The following DAB1 variants were observed in gnomAD, a reference collection of about 807,000 sequenced individuals.
The protein encoded by DAB1 is DAB adaptor protein 1.
DAB1 carries 15 observed loss-of-function variants against 64.6 expected under a neutral mutation model. The ratio of observed to expected loss-of-function variants is 0.23; its 90% CI spans 0.16 to 0.36. The LOEUF is 0.36. Ranked by LOEUF, DAB1 falls within the 10% of genes least tolerant of loss-of-function variation. The pLI, the probability that DAB1 is intolerant of heterozygous loss-of-function variation, is 1.00. For synonymous variants in DAB1, 235 were observed against 251.9 expected, an observed-to-expected ratio of 0.93 and a Z score of 0.64; for missense variants, 596 against 706.7, an observed-to-expected ratio of 0.84 and a Z score of 1.78.
At position 57,549,106 on chromosome 1, in the gene DAB1, T is replaced by G. The variant is rs373051859; in HGVS notation, n.625+100486A>C. ...TATGACTGGATCTACGCAATGTAGG[T>G]TAAAAGTCTCAATTTTGTGGATATT... On this transcript the variant is annotated intron_variant and non_coding_transcript_variant, in intron 7 of 20. Coordinates refer to the DAB1 transcript ENST00000485760. 3.9e-5 allele frequency among the ~76,000 whole-genome samples: 6 copies of G among 152,236 alleles called. No individual in the cohort carries two copies. The East Asian group carries it at 9.7e-4, about 25-fold the overall frequency.
At chr1:58,530,058 T>C (rs1646411043) in intron 1 of DAB1, among the ~76,000 whole-genome samples, 2 of 152,154 alleles carry the variant, frequency 1.3e-5, no homozygotes. Context: ...TTTTTTTGTA[T>C]TTTTAGTAGA....
intron 6 of DAB1, among the ~76,000 whole-genome samples, chr1:57,663,591 G>T (rs1011454737): frequency 6.6e-5 from 10 of 151,632 alleles, no homozygotes; most frequent in Non-Finnish European, 1.5e-5. Context: ...AATTGTCTGC[G>T]GTAATGAGAG....
At chr1:57,280,290 T>C (rs1016837162) in intron 2 of DAB1, among the ~76,000 whole-genome samples, 2 of 152,242 alleles carry the variant, frequency 1.3e-5, no homozygotes, top group African/African-American at 2.4e-5. Context: ...CTTTGATCTA[T>C]GTGTGTTCTT....
intron 6 of DAB1, among the ~76,000 whole-genome samples, chr1:57,794,943 T>C (rs1327337369): frequency 6.6e-6 from 1 of 152,210 alleles, no homozygotes; most frequent in African/African-American, 2.4e-5. Context: ...CTTGGCCTAA[T>C]AGCGGTCCTC....
At chr1:57,778,038 A>G (rs1304124057) in intron 6 of DAB1, among the ~76,000 whole-genome samples, 1 of 152,066 alleles carries the variant, frequency 6.6e-6, no homozygotes, top group Non-Finnish European at 1.5e-5. Flanking sequence ...GTCTTCATTG[A>G]AATATCCCTC....
At chr1:57,939,824 C>T (rs552089818) in intron 5 of DAB1, among the ~76,000 whole-genome samples, 14 of 152,314 alleles carry the variant, frequency 9.2e-5, no homozygotes, top group South Asian at 4.1e-4. Flanking sequence ...GGCCAGCTTT[C>T]CCACTGAGGT....
At chr1:57,475,076 A>T (rs540866812) in intron 7 of DAB1, among the ~76,000 whole-genome samples, 1 of 152,324 alleles carries the variant, frequency 6.6e-6, no homozygotes, top group South Asian at 2.1e-4. Flanking sequence ...TCCGTCCAAC[A>T]TGGTGAAACC....
At chr1:57,651,262 G>C (rs1168877481) in intron 6 of DAB1, among the ~76,000 whole-genome samples, 1 of 151,990 alleles carries the variant, frequency 6.6e-6, no homozygotes, top group African/African-American at 2.4e-5. Context: ...CCAAGAATCT[G>C]TTTAAGGCAG....
intron 1 of DAB1, among the ~76,000 whole-genome samples, chr1:57,377,580 A>G (rs1681011099): frequency 1.3e-5 from 2 of 152,214 alleles, no homozygotes; most frequent in Non-Finnish European, 2.9e-5. Flanking sequence ...AAAGTCAAAC[A>G]GAACTACAAA....
At chr1:58,521,008 T>C (rs61781792) in intron 2 of DAB1, among the ~76,000 whole-genome samples, 17,698 of 152,230 alleles carry the variant, frequency 0.12, 1,225 homozygotes, top group African/African-American at 0.18. Context: ...CACTTTCAAG[T>C]GCACGTCATT....
At chr1:58,278,144 G>A (rs886966354) in intron 4 of DAB1, among the ~76,000 whole-genome samples, 46 of 152,298 alleles carry the variant, frequency 3.0e-4, no homozygotes, top group Admixed American at 7.2e-4. Flanking sequence ...GGGGCCTGGT[G>A]GGAGGTGATT....
chr1:58,054,662 T>C (rs911292982), intron 5 of DAB1, among the ~76,000 whole-genome samples: 12 of 152,242 alleles, frequency 7.9e-5, no homozygotes, highest in African/African-American at 2.4e-4. Context: ...ATAAGTTTAA[T>C]AAGAACTACA....
intron 3 of DAB1, chr1:58,480,787 T>A (rs1645466197): frequency 2.0e-6 from 1 of 496,002 alleles, no homozygotes; most frequent in Non-Finnish European, 3.5e-6. Flanking sequence ...TAGATTAAAA[T>A]ACATCAATAT....
At chr1:58,005,660 T>C (rs1646571912) in intron 5 of DAB1, among the ~76,000 whole-genome samples, 1 of 147,334 alleles carries the variant, frequency 6.8e-6, no homozygotes, top group African/African-American at 2.5e-5. Context: ...TAGATAAGAA[T>C]ACTGAACAAG....
At chr1:57,086,439 G>A (rs926057815) in intron 4 of DAB1, among the ~76,000 whole-genome samples, 4 of 152,114 alleles carry the variant, frequency 2.6e-5, no homozygotes, top group African/African-American at 9.7e-5. Flanking sequence ...CCAGGCTGCA[G>A]CTGGACTTGA....
At chr1:57,523,358 A>G (rs964320973) in intron 7 of DAB1, among the ~76,000 whole-genome samples, 1 of 152,180 alleles carries the variant, frequency 6.6e-6, no homozygotes, top group Non-Finnish European at 1.5e-5. Flanking sequence ...ACAAGAGTGA[A>G]GTCTATTTGT....
chr1:58,013,065 G>A (rs1321416002), intron 5 of DAB1, among the ~76,000 whole-genome samples: 1 of 152,046 alleles, frequency 6.6e-6, no homozygotes, highest in Non-Finnish European at 1.5e-5. Flanking sequence ...TAAAGGTAAG[G>A]GTCCTGTAAC....
chr1:58,306,158 T>A (rs1339013782), intron 4 of DAB1, among the ~76,000 whole-genome samples: 1 of 152,166 alleles, frequency 6.6e-6, no homozygotes, highest in Non-Finnish European at 1.5e-5. Flanking sequence ...TTATTGGAGA[T>A]CTCAGATTCT....
At chr1:58,269,178 C>T (rs1442498817) in intron 4 of DAB1, among the ~76,000 whole-genome samples, 1 of 137,896 alleles carries the variant, frequency 7.3e-6, no homozygotes, top group Non-Finnish European at 1.6e-5. Flanking sequence ...CCCGACCCCA[C>T]CACAGTCCCC....
Sources: gnomAD v4.1 joint callset for allele counts (sites outside exome capture counted in the v4.1 genomes callset) on GRCh38, gnomAD v4.1.1 for gene constraint, MANE v1.5 for transcripts, NCBI Gene and HGNC (gene_info 2026-07-23, HGNC 2026-07-21) for gene names.